TBXAS1: variants seen among roughly 807,000 people sequenced by gnomAD.
TBXAS1 encodes thromboxane A synthase 1, also known as thromboxane-A synthase.
A neutral mutation model predicts 60.7 loss-of-function variants in TBXAS1; 48 were observed. That is an observed-to-expected ratio of 0.79 (90% CI 0.63 to 1.01). TBXAS1 has a LOEUF of 1.01. Among genes scored for constraint, TBXAS1 ranks in the 50% least tolerant of loss-of-function variants. The probability of loss-of-function intolerance (pLI) is 0.00; values close to 1 mark genes in which losing one functional copy is unlikely to be tolerated. For missense variants in TBXAS1, 685 were observed against 686.3 expected (o/e 1.00, Z 0.02); for synonymous variants, 287 against 269.7 (o/e 1.06, Z -0.63).
intron 5 of TBXAS1, among the ~76,000 whole-genome samples, chr7:139,951,050 C>T (rs1250707409): frequency 6.6e-6 from 1 of 152,182 alleles, no homozygotes; most frequent in East Asian, 1.9e-4. Context: ...GGCCAGCTGT[C>T]CCACTCTACC....
chr7:139,842,724 T>C (rs544199106), intron 1 of TBXAS1, among the ~76,000 whole-genome samples: 11 of 152,374 alleles, frequency 7.2e-5, no homozygotes, highest in South Asian at 4.1e-4. Context: ...CGACTCTCTC[T>C]GTTGCTTTCA....
chr7:139,952,516 G>T, intron 5 of TBXAS1: 1 of 1,534,462 alleles, frequency 6.5e-7, no homozygotes, highest in Non-Finnish European at 8.7e-7. Flanking sequence ...TCTAGAATGG[G>T]CAGCGAATAA....
At position 139,955,555 on chromosome 7, in the gene TBXAS1, C is replaced by A; in HGVS notation, c.636C>A (p.His212Gln). The change falls in exon 7 of 13, where the codon CAC (histidine) becomes CAA (glutamine). Residue 212 changes from histidine to glutamine, a missense_variant. By Grantham distance (24) the His-to-Gln change is conservative (BLOSUM62 0). Transcript: ENST00000448866. Reference protein sequence around the residue: ...WQAPEDPFVKHCKRFFEFCIP... With the variant: ...WQAPEDPFVKQCKRFFEFCIP... ...CCCCTGAGGATCCCTTTGTGAAACA[C>A]TGCAAGCGTTTCTTCGAATTCTGCA... 1 of 1,614,236 alleles carries A rather than the reference C, an allele frequency of 6.2e-7. No homozygotes were observed. Among genetic ancestry groups the A allele is most frequent in the Non-Finnish European group, 8.5e-7 (1 of 1,180,042 alleles).
chr7:140,006,724 G>A (rs1185137614), intron 9 of TBXAS1, among the ~76,000 whole-genome samples: 2 of 152,162 alleles, frequency 1.3e-5, no homozygotes, highest in Non-Finnish European at 2.9e-5. Context: ...CTAAGAGATG[G>A]GGAAACAGTC....
At chr7:139,927,354 C>A (rs1806973461) in intron 4 of TBXAS1, among the ~76,000 whole-genome samples, 1 of 149,864 alleles carries the variant, frequency 6.7e-6, no homozygotes, top group South Asian at 2.1e-4. Flanking sequence ...ATCTTGTAAA[C>A]CATTATTTTA....
At chr7:139,983,198 C>T (rs980204431) in intron 9 of TBXAS1, among the ~76,000 whole-genome samples, 8 of 152,324 alleles carry the variant, frequency 5.3e-5, no homozygotes, top group South Asian at 2.1e-4. Flanking sequence ...TGATCTTTGG[C>T]ATCTTACTGC....
rs553938674 is a variant in TBXAS1, at chr7:139,959,690, T to C, written c.819+1926T>C. Among the ~76,000 whole-genome samples, 14 of 152,124 alleles carry C rather than the reference T, an allele frequency of 9.2e-5. 1 individual carries two copies. On this transcript the variant is annotated intron_variant, in intron 8 of 12. Coordinates refer to ENST00000448866, the MANE Select transcript of TBXAS1 (RefSeq NM_001061.7). ...GGCTGCAGTTTTGCCCATGGAAAAATACCCGGTGTAGAGGTGGCTGTGCCC... is the reference window on the plus strand; with the variant it reads ...GGCTGCAGTTTTGCCCATGGAAAAACACCCGGTGTAGAGGTGGCTGTGCCC...
At chr7:139,782,204 C>CT (rs34354515) in intron 2 of TBXAS1, among the ~76,000 whole-genome samples, 4,048 of 145,504 alleles carry the variant, frequency 0.028, 169 homozygotes, top group African/African-American at 0.093. Context: ...AAAAAAATCA[C>CT]TTTTTTTTTT....
chr7:139,793,579 G>A (rs1023414164), intron 4 of TBXAS1, among the ~76,000 whole-genome samples: 1 of 152,148 alleles, frequency 6.6e-6, no homozygotes, highest in Non-Finnish European at 1.5e-5. Flanking sequence ...AAAGACTCTT[G>A]TTATAAATTT....
chr7:139,953,225 C>T, intron 5 of TBXAS1, 143 bp from the exon 6 acceptor site: 1 of 720,704 alleles, frequency 1.4e-6, no homozygotes, highest in South Asian at 1.6e-5. Flanking sequence ...GGATCTTCTT[C>T]TTGAATCTTA....
At chr7:139,787,143 G>A (rs1044871314) in intron 3 of TBXAS1, among the ~76,000 whole-genome samples, 1 of 152,178 alleles carries the variant, frequency 6.6e-6, no homozygotes, top group East Asian at 1.9e-4. Context: ...CAAAGTGTAA[G>A]TTAAGAAAAA....
At chr7:139,974,864 G>C (rs1221920947) in intron 9 of TBXAS1, among the ~76,000 whole-genome samples, 1 of 152,246 alleles carries the variant, frequency 6.6e-6, no homozygotes, top group Admixed American at 6.5e-5. Flanking sequence ...CACAATGGCT[G>C]TATGAAGTGG....
chr7:139,784,541 G>A (rs1448118583), intron 3 of TBXAS1, among the ~76,000 whole-genome samples: 1 of 152,206 alleles, frequency 6.6e-6, no homozygotes, highest in East Asian at 1.9e-4. Context: ...GCACGTCTGT[G>A]CCTGGCACTG....
chr7:139,805,712 T>TTCTTTTC (rs753031062), intron 4 of TBXAS1, among the ~76,000 whole-genome samples: 1 of 44,318 alleles, frequency 2.3e-5, no homozygotes, highest in Admixed American at 2.3e-4. Context: ...CTTTCTTTCT[T>TTCTTTTC]TCTCTCTCTC....
chr7:139,832,556 A>G (rs998896642), intron 1 of TBXAS1, among the ~76,000 whole-genome samples: 2 of 152,202 alleles, frequency 1.3e-5, no homozygotes, highest in African/African-American at 4.8e-5. Flanking sequence ...ATCAAGGAAA[A>G]GTTCCCCAGT....
chr7:139,870,173 ATGTC>A (rs1307323818), intron 1 of TBXAS1, among the ~76,000 whole-genome samples: 1 of 152,218 alleles, frequency 6.6e-6, no homozygotes, highest in Non-Finnish European at 1.5e-5. Flanking sequence ...GTGTTTGAAA[ATGTC>A]TGAATTTTGT....
At chr7:139,823,230 A>G (rs924697546) in intron 4 of TBXAS1, among the ~76,000 whole-genome samples, 4 of 151,962 alleles carry the variant, frequency 2.6e-5, no homozygotes, top group African/African-American at 9.7e-5. Context: ...CATCATAACT[A>G]TAAGACGGAC....
intron 4 of TBXAS1, among the ~76,000 whole-genome samples, chr7:139,823,574 T>G (rs1210264289): frequency 6.6e-6 from 1 of 152,108 alleles, no homozygotes; most frequent in East Asian, 1.9e-4. Flanking sequence ...TCCTCTTTCT[T>G]CCCTCTAGCC....
chr7:140,015,085 C>G (rs199916554), intron 10 of TBXAS1, among the ~76,000 whole-genome samples: 30 of 82,676 alleles, frequency 3.6e-4, no homozygotes, highest in Admixed American at 1.5e-3. Context: ...AACAGAAAAA[C>G]AAACAAACCA....
Sources: allele counts gnomAD v4.1 joint callset (sites outside exome capture counted in the v4.1 genomes callset), GRCh38; gene constraint gnomAD v4.1.1; transcripts MANE v1.5; gene names NCBI Gene and HGNC (gene_info 2026-07-23, HGNC 2026-07-21).